Variants in RBM39 observed in about 807,000 individuals in gnomAD.
RBM39 encodes RNA-binding protein 39.
A neutral mutation model predicts 79.6 loss-of-function variants in RBM39; 12 were observed. That is an observed-to-expected ratio of 0.15 (90% CI 0.10 to 0.24). The LOEUF (loss-of-function observed/expected upper bound fraction) is 0.24. Ranked by LOEUF, RBM39 falls within the 10% of genes least tolerant of loss-of-function variation. RBM39 has a pLI of 1.00. For synonymous variants in RBM39, 185 were observed against 208.4 expected (o/e 0.89, Z 0.97); for missense variants, 243 against 653.4 (o/e 0.37, Z 6.85).
chr20:35,723,949 A>G (rs1192884835), intron 8 of RBM39, among the ~76,000 whole-genome samples: 3 of 152,142 alleles, frequency 2.0e-5, no homozygotes, highest in African/African-American at 7.2e-5. Flanking sequence ...ACTGGGGAGA[A>G]AAGACTGCTT....
At chr20:35,720,332 G>C (rs997592430) in intron 9 of RBM39, among the ~76,000 whole-genome samples, 4 of 152,140 alleles carry the variant, frequency 2.6e-5, no homozygotes, top group Non-Finnish European at 2.9e-5. Context: ...CCAGACACAA[G>C]GCCTCGTGGC....
At chr20:35,723,166 T>C (rs191274876) in intron 8 of RBM39, among the ~76,000 whole-genome samples, 1 of 148,846 alleles carries the variant, frequency 6.7e-6, no homozygotes, top group Admixed American at 6.7e-5. Context: ...TGCCATAACA[T>C]AAAACTGTAT....
intron 8 of RBM39, among the ~76,000 whole-genome samples, chr20:35,723,416 C>G (rs996143903): frequency 6.6e-6 from 1 of 152,128 alleles, no homozygotes; most frequent in Non-Finnish European, 1.5e-5. Flanking sequence ...GTTTGTCTTC[C>G]AACATAGGAA....
chr20:35,738,754 G>A lies in RBM39; in HGVS notation c.101+214C>T, dbSNP rs1024249235. On this transcript the variant is annotated intron_variant, in intron 3 of 16. Transcript: ENST00000253363. Reference sequence around the variant, plus strand: ...CAGATTGTCATGATGGACTTGGAGGGGAAGGTATCTGAAACTATATTCTGA... The same window carrying A: ...CAGATTGTCATGATGGACTTGGAGGAGAAGGTATCTGAAACTATATTCTGA... Among the ~76,000 whole-genome samples the A allele has an allele frequency of 2.6e-5, 4 of 152,140 alleles. No individual in the cohort carries two copies. The East Asian group carries it at 5.8e-4, about 22-fold the overall frequency.
At position 35,701,724 on chromosome 20, in the gene RBM39, A is replaced by T. The variant is rs910173346; in HGVS notation, c.*2757T>A. The T allele has an allele frequency of 2.0e-5, 3 of 152,228 alleles. No homozygotes were observed. Among genetic ancestry groups the T allele is most frequent in the African/African-American group, 2.4e-5 (1 of 41,430 alleles). The allele number at this position is 152,228 out of a possible 1,614,324, so 9.4% of individuals were successfully genotyped here. A position where few individuals can be genotyped will look rare whatever the true frequency, so the allele number is the denominator to read the frequency against. On this transcript the variant is annotated 3_prime_UTR_variant, in exon 17 of 17. Coordinates refer to ENST00000253363, the MANE Select transcript of RBM39 (RefSeq NM_184234.3). ...AGCTGAGATCGAGCCATTGCACTCC[A>T]GCCTGGGCGACAGAGCGAGACTCTG...
chr20:35,719,354 T>C (rs149765384), intron 9 of RBM39, among the ~76,000 whole-genome samples: 211 of 152,232 alleles, frequency 1.4e-3, no homozygotes, highest in African/African-American at 4.7e-3. Flanking sequence ...CTTAATAGCT[T>C]ACAGCTGTTT....
At chr20:35,720,666 A>G (rs2425096) in intron 9 of RBM39, among the ~76,000 whole-genome samples, 39,384 of 151,858 alleles carry the variant, frequency 0.26, 5,932 homozygotes, top group African/African-American at 0.43. Context: ...AACTACTCGG[A>G]AGGCTAAAGC....
intron 9 of RBM39, among the ~76,000 whole-genome samples, chr20:35,721,129 C>T (rs779104705): frequency 6.6e-6 from 1 of 152,030 alleles, no homozygotes; most frequent in Non-Finnish European, 1.5e-5. Context: ...TTAACAGAGA[C>T]GTGGTTTTAC....
At chr20:35,736,197 T>A (rs1356376486) in intron 3 of RBM39, among the ~76,000 whole-genome samples, 1 of 152,118 alleles carries the variant, frequency 6.6e-6, no homozygotes, top group Non-Finnish European at 1.5e-5. Flanking sequence ...AACAAAAACA[T>A]TAGGAAACCA....
rs932821620 is a variant in RBM39, at chr20:35,740,964, T to C, written c.-13-77A>G. On this transcript the variant is annotated intron_variant, in intron 1 of 16. Transcript: ENST00000253363. ...AAACAAGTTTCACTCTTGTTGCCTA[T>C]ATCGTCTAACATTTTCTCTAAACGC... The C allele has an allele frequency of 3.7e-5, 37 of 998,268 alleles. 1 individual carries two copies. The highest frequency in any genetic ancestry group is 4.4e-4 in the Middle Eastern group (2 of 4,594). 61.8% of individuals were successfully genotyped at this position (998,268 alleles called of 1,614,324 possible).
intron 3 of RBM39, among the ~76,000 whole-genome samples, chr20:35,738,622 C>T (rs1043701884): frequency 2.0e-5 from 3 of 152,172 alleles, no homozygotes; most frequent in African/African-American, 7.2e-5. Flanking sequence ...CTCTTTCTAC[C>T]TTTTAAGATC....
At position 35,725,148 on chromosome 20, in the gene RBM39, T is replaced by C. The variant is rs778728699; in HGVS notation, c.424A>G (p.Ile142Val). ...CTTTCCTCAGGAGTTAAATTATCAA[T>C]AGGTTCTCTAATAGGAGTAAAACAT... ...RKDKSPVREP[I>V]DNLTPEERDA... Residue 142 changes from isoleucine (I) to valine (V), a missense_variant, in exon 7 of 17, where the codon ATT (isoleucine) becomes GTT (valine). Around this residue, in one of 4 missense-constraint regions of RBM39, gnomAD observed 115 missense variants for 184.1 expected, o/e 0.62. Transcript: ENST00000253363. The C allele has an allele frequency of 6.3e-6, 10 of 1,582,092 alleles. 1 individual carries two copies. The highest frequency in any genetic ancestry group is 5.6e-5 in the South Asian group (5 of 89,100).
At chr20:35,712,993 A>G (rs1397240388) in intron 12 of RBM39, 26 bp downstream of exon 12, 7 of 1,577,814 alleles carry the variant, frequency 4.4e-6, no homozygotes. Context: ...AAAACGATTT[A>G]AAATTAGAAA....
chr20:35,738,694 T>C (rs2040231372), intron 3 of RBM39, among the ~76,000 whole-genome samples: 1 of 152,192 alleles, frequency 6.6e-6, no homozygotes, highest in African/African-American at 2.4e-5. Flanking sequence ...TTAACAAATT[T>C]AAAACAAGAC....
At chr20:35,712,199 T>G (rs1473314054) in intron 12 of RBM39, among the ~76,000 whole-genome samples, 2 of 152,082 alleles carry the variant, frequency 1.3e-5, no homozygotes, top group African/African-American at 4.8e-5. Flanking sequence ...CCGAACGCAG[T>G]GGCTCACATC....
rs554322528 is a variant in RBM39 at position 35,741,786 on chromosome 20, T to C, written c.-14+155A>G. Among the ~76,000 whole-genome samples, 4 of 151,468 alleles carry C rather than the reference T, an allele frequency of 2.6e-5. No individual in the cohort carries two copies. In the South Asian group the frequency reaches 8.4e-4, roughly 32 times the overall value. On this transcript the variant is annotated intron_variant, in intron 1 of 16. Transcript: ENST00000253363. The stretch of plus-strand genomic sequence containing the variant: ...CCCAAGAATCCAGACTATACCCGAC[T>C]GGAAAATAAGGGCGCGGTCACTGAA...
At chr20:35,724,952 T>C (rs559732830) in intron 7 of RBM39, 86 bp downstream of exon 7, 2 of 1,065,382 alleles carry the variant, frequency 1.9e-6, no homozygotes, top group Non-Finnish European at 2.8e-6. Context: ...CAAATACTGC[T>C]ACTAAATCAA....
chr20:35,707,256 C>A, intron 13 of RBM39, 55 bp from the exon 14 acceptor site: 1 of 1,296,646 alleles, frequency 7.7e-7, no homozygotes, highest in Admixed American at 2.0e-5. Context: ...AAGTATCCCT[C>A]ATAAATACTT....
chr20:35,739,636 A>C (rs76466412), intron 2 of RBM39: 1 of 433,978 alleles, frequency 2.3e-6, no homozygotes, highest in African/African-American at 2.0e-5. Context: ...AGTCCAGCCT[A>C]AACATTTCCT....
Sources: allele counts gnomAD v4.1 joint callset (sites outside exome capture counted in the v4.1 genomes callset), GRCh38; gene constraint gnomAD v4.1.1; regional missense constraint gnomAD v4.1.1; transcripts MANE v1.5; gene names NCBI Gene and HGNC (gene_info 2026-07-23, HGNC 2026-07-21).